The following LRP8 variants were observed in gnomAD, a reference collection of about 807,000 sequenced individuals.
LRP8 encodes the protein LDL receptor related protein 8, also known as low-density lipoprotein receptor-related protein 8.
LRP8 carries 46 observed loss-of-function variants against 111.6 expected under a neutral mutation model. That is an observed-to-expected ratio of 0.41 (90% CI 0.33 to 0.53). LRP8 has a LOEUF of 0.53. Among genes scored for constraint, LRP8 ranks in the 20% least tolerant of loss-of-function variants. The pLI is 0.20. For synonymous variants in LRP8, 464 were observed against 511.2 expected, an observed-to-expected ratio of 0.91 and a Z score of 1.24; for missense variants, 959 against 1,297.4, an observed-to-expected ratio of 0.74 and a Z score of 4.01.
chr1:53,281,624 G>C (rs1647113015), intron 3 of LRP8, among the ~76,000 whole-genome samples: 1 of 152,234 alleles, frequency 6.6e-6, no homozygotes, highest in African/African-American at 2.4e-5. Flanking sequence ...CTCCAGCATA[G>C]AGGCGGAGAA....
At position 53,276,743 on chromosome 1, in the gene LRP8, G is replaced by C; in HGVS notation, c.832C>G (p.Arg278Gly). ...RSGECVHLGWRCDGDRDCKDK... is the reference protein window; with the variant it reads ...RSGECVHLGWGCDGDRDCKDK... The stretch of plus-strand genomic sequence containing the variant: ...TTGCAGTCGCGGTCGCCGTCGCAGC[G>C]CCAGCCCAGGTGCACGCACTCGCCG... Residue 278 changes from arginine (R) to glycine (G), a missense_variant, in exon 5 of 19, where the codon CGC becomes GGC. Physicochemically the swap from Arg to Gly is moderately radical, Grantham distance 125. This residue lies in a region of LRP8 where 819 missense variants were observed against 1,097.6 expected (regional missense o/e 0.75). Coordinates refer to ENST00000306052, the MANE Select transcript of LRP8 (RefSeq NM_004631.5). 6.6e-7 allele frequency: 1 copy of C among 1,510,320 alleles called. No individual in the cohort carries two copies. The highest frequency in any genetic ancestry group is 1.4e-5 in the African/African-American group (1 of 70,372). 93.6% of individuals were successfully genotyped at this position (1,510,320 alleles called of 1,614,324 possible). A position where few individuals can be genotyped will look rare whatever the true frequency, so the allele number is the denominator to read the frequency against.
chr1:53,324,926 A>G (rs981283950), intron 2 of LRP8, among the ~76,000 whole-genome samples: 2 of 152,372 alleles, frequency 1.3e-5, no homozygotes, highest in East Asian at 3.9e-4. Flanking sequence ...GTGACCTTGC[A>G]TAAGTCACTC....
chr1:53,315,334 TG>T (rs1653655327), intron 2 of LRP8, among the ~76,000 whole-genome samples: 1 of 152,066 alleles, frequency 6.6e-6, no homozygotes, highest in African/African-American at 2.4e-5. Context: ...GAAGGACAGA[TG>T]GGAGAGGGAG....
intron 2 of LRP8, among the ~76,000 whole-genome samples, chr1:53,298,413 C>A (rs181346654): frequency 6.6e-6 from 1 of 152,204 alleles, no homozygotes; most frequent in Middle Eastern, 3.4e-3. Context: ...CCCTGGCTGG[C>A]GCCTGCAAAG....
At chr1:53,311,324 C>T (rs1375831248) in intron 2 of LRP8, among the ~76,000 whole-genome samples, 3 of 152,118 alleles carry the variant, frequency 2.0e-5, no homozygotes, top group Non-Finnish European at 4.4e-5. Context: ...CACGGCCAGT[C>T]CCAGGCAGGT....
In LRP8 at chr1:53,326,998, A is replaced by AGG. The variant is rs770853946; in HGVS notation, c.125-8_125-7dup. On this transcript the variant is annotated splice_polypyrimidine_tract_variant and splice_region_variant and intron_variant, in intron 1 of 18. Coordinates refer to ENST00000306052, the MANE Select transcript of LRP8 (RefSeq NM_004631.5). ...TTCGCAATCCTTGGCCGGCCCTGCG[A>AGG]GGGGGAGGGAGCGTGAGCTGGATCA... The AGG allele has an allele frequency of 3.7e-5, 59 of 1,611,990 alleles. No individual in the cohort carries two copies. Among genetic ancestry groups the AGG allele is most frequent in the Non-Finnish European group, 5.0e-5 (59 of 1,179,768 alleles).
At chr1:53,248,893 G>A (rs1278811107) in intron 18 of LRP8, among the ~76,000 whole-genome samples, 2 of 152,226 alleles carry the variant, frequency 1.3e-5, no homozygotes, top group East Asian at 3.8e-4. Context: ...AACTCAGGAG[G>A]CAGGTAGAAT....
rs2100539766 is a variant in LRP8 at position 53,317,532 on chromosome 1, T to C, written c.244+9341A>G. Among the ~76,000 whole-genome samples, 1 of 152,092 alleles carries C rather than the reference T, an allele frequency of 6.6e-6. No homozygotes were observed. The highest frequency in any genetic ancestry group is 1.9e-4 in the East Asian group (1 of 5,158). Reference sequence around the variant, plus strand: ...CCCAACTGGCCAGTTGACCTAAATCTCTCCTGCTGCTATTTTGCTGCTGCC... The same window carrying C: ...CCCAACTGGCCAGTTGACCTAAATCCCTCCTGCTGCTATTTTGCTGCTGCC... On this transcript the variant is annotated intron_variant, in intron 2 of 18. Coordinates refer to ENST00000306052, the MANE Select transcript of LRP8 (RefSeq NM_004631.5). This position sits in a 1 kb window ranked among gnomAD's most constrained non-coding sequence, Gnocchi z 4.9.
Position 53,247,072 on chromosome 1 carries a change from A to G in LRP8, c.2854-16T>C. The G allele has an allele frequency of 6.3e-7, 1 of 1,584,038 alleles. No homozygotes were observed. The highest frequency in any genetic ancestry group is 8.6e-7 in the Non-Finnish European group (1 of 1,167,294). On this transcript the variant is annotated splice_polypyrimidine_tract_variant and intron_variant, in intron 18 of 18. Transcript: ENST00000306052. ...ATGCCACTCGCTGGGGAGACAAACC[A>G]AAGAATTCATCATTAGATCCATAAG...
At position 53,257,372 on chromosome 1, in the gene LRP8, A is replaced by T; in HGVS notation, c.2302T>A (p.Ser768Thr). ...TRAPGTTVHR[S>T]TYQNHSTETP... ...TCTGTGCTGTGGTTCTGGTAGGTGG[A>T]TCTGTGGACGGTGGTCCCGGGGGCT... Residue 768 changes from serine (S) to threonine (T), a missense_variant, in exon 15 of 19, where the codon TCC becomes ACC. This residue lies in a region of LRP8 where 819 missense variants were observed against 1,097.6 expected (regional missense o/e 0.75). Transcript: ENST00000306052. The T allele has an allele frequency of 1.2e-6, 2 of 1,614,042 alleles. No individual in the cohort carries two copies. The highest frequency in any genetic ancestry group is 3.3e-5 in the Admixed American group (2 of 60,002).
chr1:53,308,312 G>T (rs924874227), intron 2 of LRP8, among the ~76,000 whole-genome samples: 3 of 152,200 alleles, frequency 2.0e-5, no homozygotes, highest in South Asian at 4.1e-4. Flanking sequence ...GCATCTCCAG[G>T]CAGTATGCTC....
In LRP8 at chr1:53,250,395, T is replaced by C. The variant is rs1645855678; in HGVS notation, c.2676+295A>G. 6.6e-6 allele frequency among the ~76,000 whole-genome samples: 1 copy of C among 152,160 alleles called. No homozygotes were observed. The highest frequency in any genetic ancestry group is 2.4e-5 in the African/African-American group (1 of 41,436). On this transcript the variant is annotated intron_variant, in intron 17 of 18. Coordinates refer to ENST00000306052, the MANE Select transcript of LRP8 (RefSeq NM_004631.5). The surrounding 1 kb of genome is among the most constrained non-coding windows in gnomAD (Gnocchi z 4.6). ...CTGATACCTTTTTACCTTAACCACC[T>C]ACCCCAGCATTTCTGTGTTCCCCAG...
chr1:53,273,855 G>C (rs1354823635), intron 6 of LRP8, among the ~76,000 whole-genome samples: 1 of 152,202 alleles, frequency 6.6e-6, no homozygotes, highest in East Asian at 1.9e-4. Context: ...CAGGAGGTAG[G>C]TGCTGGGGAA....
chr1:53,326,802 C>A, intron 2 of LRP8, 71 bp downstream of exon 2: 2 of 1,536,320 alleles, frequency 1.3e-6, no homozygotes, highest in Non-Finnish European at 8.8e-7. Context: ...CAGCCACGTG[C>A]GCGCCAAGCA....
At position 53,247,027 on chromosome 1, in the gene LRP8, TC is replaced by T; in HGVS notation, c.2882del (p.Gly961AspfsTer29). Reference protein sequence around the residue: ...KRVALSLEDDGLP With the variant: ...KRVALSLEDDXLP ...GGGGGTGATCCCATCCTCAGGGTAG[TC>T]CATCATCTTCAAGGCTTAATGCCAC... On this transcript the variant is annotated frameshift_variant, in exon 19 of 19. Coordinates refer to ENST00000306052, the MANE Select transcript of LRP8 (RefSeq NM_004631.5). LOFTEE classifies it high-confidence loss of function. 1 of 1,604,650 alleles carries T rather than the reference TC, an allele frequency of 6.2e-7. No individual in the cohort carries two copies. The highest frequency in any genetic ancestry group is 8.5e-7 in the Non-Finnish European group (1 of 1,176,430).
At chr1:53,327,549 A>G (rs767021207) in intron 1 of LRP8, 1 of 503,534 alleles carries the variant, frequency 2.0e-6, no homozygotes, top group Non-Finnish European at 3.1e-6. Flanking sequence ...CCCGCTGGCC[A>G]AGCCCCCCTG....
chr1:53,258,254 G>A (rs1646177855), intron 14 of LRP8, 65 bp downstream of exon 14: 1 of 1,502,878 alleles, frequency 6.7e-7, no homozygotes, highest in Non-Finnish European at 9.0e-7. Context: ...AGAAGCCAAG[G>A]GAAGATTTCA....
rs2100418604 is a variant in LRP8 at position 53,275,733 on chromosome 1, C to A, written c.904G>T (p.Asp302Tyr). The A allele has an allele frequency of 6.2e-7, 1 of 1,614,004 alleles. No individual in the cohort carries two copies. Among genetic ancestry groups the A allele is most frequent in the Non-Finnish European group, 8.5e-7 (1 of 1,179,972 alleles). ...GTCCCATCCCCACACTGGAACTCGT[C>A]CCCACGGCAGGTGCCCAGTGCTGCC... ...ADCPLGTCRG[D>Y]EFQCGDGTCV... The change falls in exon 6 of 19, where the codon GAC (aspartate) becomes TAC (tyrosine). Residue 302 changes from aspartate (D) to tyrosine (Y), a missense_variant. Asp to Tyr is a radical substitution (Grantham distance 160, BLOSUM62 -3). Coordinates refer to ENST00000306052, the MANE Select transcript of LRP8 (RefSeq NM_004631.5). This position sits in a 1 kb window ranked among gnomAD's most constrained non-coding sequence, Gnocchi z 4.4.
At position 53,262,012 on chromosome 1, in the gene LRP8, G is replaced by C; in HGVS notation, c.1914+56C>G. 6.3e-7 allele frequency: 1 copy of C among 1,592,412 alleles called. No homozygotes were observed. Among genetic ancestry groups the C allele is most frequent in the Non-Finnish European group, 8.6e-7 (1 of 1,167,288 alleles). ...TCAGGGACTCATCCTATTTGAACAAGCATTTTCTAGGCTTCAGCTTCCTAG... is the reference window on the plus strand; with the variant it reads ...TCAGGGACTCATCCTATTTGAACAACCATTTTCTAGGCTTCAGCTTCCTAG... On this transcript the variant is annotated intron_variant, in intron 12 of 18. Coordinates refer to ENST00000306052, the MANE Select transcript of LRP8 (RefSeq NM_004631.5). The surrounding 1 kb of genome is among the most constrained non-coding windows in gnomAD (Gnocchi z 4.8).
Sources: gnomAD v4.1 joint callset for allele counts (sites outside exome capture counted in the v4.1 genomes callset) on GRCh38, gnomAD v4.1.1 for gene constraint, gnomAD v4.1.1 regional missense constraint, Gnocchi (gnomAD v3.1) non-coding constraint, MANE v1.5 for transcripts, NCBI Gene and HGNC (gene_info 2026-07-23, HGNC 2026-07-21) for gene names.